The following RMI1 variants were observed in gnomAD, a reference collection of about 807,000 sequenced individuals.
RMI1 encodes RecQ mediated genome instability 1, also known as recQ-mediated genome instability protein 1.
In RMI1, 36 loss-of-function variants were observed where a neutral mutation model predicts 46.7. The observed-to-expected ratio is 0.77, with a 90% confidence interval of 0.59 to 1.02. RMI1 has a LOEUF of 1.02. Ranked by LOEUF, RMI1 falls within the 50% of genes least tolerant of loss-of-function variation. The pLI, the probability that RMI1 is intolerant of heterozygous loss-of-function variation, is 0.00. For synonymous variants in RMI1, 250 were observed against 252.9 expected, an observed-to-expected ratio of 0.99 and a Z score of 0.11; for missense variants, 676 against 713.7, an observed-to-expected ratio of 0.95 and a Z score of 0.60.
At chr9:83,994,439 T>G (rs533894896) in intron 1 of RMI1, among the ~76,000 whole-genome samples, 1 of 152,364 alleles carries the variant, frequency 6.6e-6, no homozygotes, top group African/African-American at 2.4e-5. Context: ...AGGTGCTACC[T>G]TTAGACCTGT....
intron 1 of RMI1, among the ~76,000 whole-genome samples, chr9:83,993,774 A>G (rs999370435): frequency 6.6e-6 from 1 of 151,738 alleles, no homozygotes; most frequent in African/African-American, 2.4e-5. Flanking sequence ...TGACCATTGT[A>G]TATCTTTTTA....
intron 1 of RMI1, among the ~76,000 whole-genome samples, chr9:83,981,575 C>T (rs1957396984): frequency 1.3e-5 from 2 of 152,174 alleles, no homozygotes; most frequent in Admixed American, 6.5e-5. Context: ...CGGTGACAGC[C>T]CTGGGAAATC....
In RMI1 at chr9:84,002,022, G is replaced by C. The variant is rs868282159; in HGVS notation, c.1036G>C (p.Asp346His). 1.9e-6 allele frequency: 3 copies of C among 1,613,948 alleles called. No homozygotes were observed. In the Admixed American group the frequency reaches 5.0e-5, roughly 27 times the overall value. The stretch of plus-strand genomic sequence containing the variant: ...ACCATTGACTTTTAACAGAAATGCC[G>C]ATCGAAGTATAGAGAGATTTTCACA... ...LQPLTFNRNA[D>H]RSIERFSHNP... Residue 346 changes from aspartate (D) to histidine (H), a missense_variant, in exon 3 of 3, where the codon GAT (aspartate) becomes CAT (histidine). Physicochemically the swap from Asp to His is moderately conservative, Grantham distance 81. Transcript: ENST00000445877.
At chr9:83,990,708 G>A (rs1957559928) in intron 1 of RMI1, among the ~76,000 whole-genome samples, 1 of 152,086 alleles carries the variant, frequency 6.6e-6, no homozygotes, top group African/African-American at 2.4e-5. Context: ...GTATGTATCG[G>A]AATATCATGT....
intron 1 of RMI1, among the ~76,000 whole-genome samples, chr9:83,993,981 G>T (rs1321303966): frequency 7.0e-6 from 1 of 142,712 alleles, no homozygotes. Context: ...ATGGGGTTTC[G>T]CCATGTTGTT....
chr9:83,986,797 C>G (rs1163360954), intron 1 of RMI1, among the ~76,000 whole-genome samples: 1 of 152,154 alleles, frequency 6.6e-6, no homozygotes, highest in Non-Finnish European at 1.5e-5. Context: ...TTCTGTCCAG[C>G]CTTGACCTTT....
chr9:83,990,154 A>G (rs553848773), intron 1 of RMI1, among the ~76,000 whole-genome samples: 17 of 152,304 alleles, frequency 1.1e-4, no homozygotes, highest in Non-Finnish European at 1.8e-4. Context: ...GAGTAGAACA[A>G]TGGTTACCAG....
chr9:83,986,288 G>A (rs867305452), intron 1 of RMI1, among the ~76,000 whole-genome samples: 33 of 152,154 alleles, frequency 2.2e-4, no homozygotes, highest in African/African-American at 7.5e-4. Flanking sequence ...AATTTAGAAT[G>A]CATTAGATGG....
At position 84,002,446 on chromosome 9, in the gene RMI1, A is replaced by G. The variant is rs781375932; in HGVS notation, c.1460A>G (p.Tyr487Cys). 1.1e-5 allele frequency: 17 copies of G among 1,613,812 alleles called. No homozygotes were observed. In the African/African-American group the frequency reaches 1.9e-4, roughly 18 times the overall value. The change falls in exon 3 of 3, where the codon TAT becomes TGT. Residue 487 changes from tyrosine (Y) to cysteine (C), a missense_variant. Physicochemically the swap from Tyr to Cys is radical, Grantham distance 194. Transcript: ENST00000445877. Reference sequence around the variant, plus strand: ...AATCTTTCTATTGCCATGGATTTGTATTCTCCACCCTTTGTCTATTTGTCT... The same window carrying G: ...AATCTTTCTATTGCCATGGATTTGTGTTCTCCACCCTTTGTCTATTTGTCT... Reference protein sequence around the residue: ...SINLSIAMDLYSPPFVYLSVL... With the variant: ...SINLSIAMDLCSPPFVYLSVL...
At chr9:83,988,667 T>C (rs1957526863) in intron 1 of RMI1, among the ~76,000 whole-genome samples, 1 of 152,214 alleles carries the variant, frequency 6.6e-6, no homozygotes, top group South Asian at 2.1e-4. Context: ...CATTTTGCAT[T>C]CTCACTAGCA....
intron 1 of RMI1, among the ~76,000 whole-genome samples, chr9:83,986,889 C>A (rs781434585): frequency 6.6e-6 from 1 of 152,122 alleles, no homozygotes; most frequent in Non-Finnish European, 1.5e-5. Context: ...TACACTTTGT[C>A]CTCATTTCAG....
rs373342865 is a variant in RMI1, at chr9:84,002,098, A to G, written c.1112A>G (p.Asn371Ser). The G allele has an allele frequency of 3.1e-6, 5 of 1,613,762 alleles. No individual in the cohort carries two copies. The African/African-American group carries it at 5.3e-5, about 17-fold the overall frequency. Residue 371 changes from asparagine (N) to serine (S), a missense_variant, in exon 3 of 3, where the codon AAT (asparagine) becomes AGT (serine). Coordinates refer to ENST00000445877, the MANE Select transcript of RMI1 (RefSeq NM_001358291.2). ...NFSLTCKNGN[N>S]NWSEKNVSEQ... ...TCTTTGACTTGCAAAAATGGAAACA[A>G]TAATTGGAGTGAAAAAAATGTATCT...
chr9:84,002,024 T>C lies in RMI1; in HGVS notation c.1038T>C (p.Asp346=). 1 of 1,613,996 alleles carries C rather than the reference T, an allele frequency of 6.2e-7. No individual in the cohort carries two copies. The highest frequency in any genetic ancestry group is 8.5e-7 in the Non-Finnish European group (1 of 1,179,932). ...LQPLTFNRNA[D]RSIERFSHNP... is the part of the protein sequence containing the mutation. Reference sequence around the variant, plus strand: ...CATTGACTTTTAACAGAAATGCCGATCGAAGTATAGAGAGATTTTCACATA... The same window carrying C: ...CATTGACTTTTAACAGAAATGCCGACCGAAGTATAGAGAGATTTTCACATA... Residue 346 remains aspartate, a synonymous_variant, in exon 3 of 3, where the codon GAT becomes GAC. Transcript: ENST00000445877.
At chr9:83,997,958 G>C (rs1253926494) in intron 1 of RMI1, among the ~76,000 whole-genome samples, 1 of 151,774 alleles carries the variant, frequency 6.6e-6, no homozygotes, top group Non-Finnish European at 1.5e-5. Context: ...ACCATGCTCA[G>C]GCTAATTAAA....
chr9:83,981,187 C>G (rs1957381278), intron 1 of RMI1, among the ~76,000 whole-genome samples: 1 of 152,242 alleles, frequency 6.6e-6, no homozygotes, highest in African/African-American at 2.4e-5. Context: ...TACTGGAGAA[C>G]TTCTCGCCGA....
rs572963124 is a variant in RMI1, at chr9:84,003,050, T to A, written c.*186T>A. On this transcript the variant is annotated 3_prime_UTR_variant, in exon 3 of 3. Transcript: ENST00000445877. ...AGCTTTTGAAAATAAGTTAATCTTT[T>A]TTTTTTTTTTTTTAATGTCAGGGTA... 2.0e-5 allele frequency: 7 copies of A among 355,252 alleles called. No individual in the cohort carries two copies. Among genetic ancestry groups the A allele is most frequent in the African/African-American group, 1.5e-4 (7 of 46,882 alleles). 22.0% of individuals were successfully genotyped at this position (355,252 alleles called of 1,614,324 possible).
intron 1 of RMI1, among the ~76,000 whole-genome samples, chr9:83,993,253 T>G (rs1206227248): frequency 6.6e-6 from 1 of 152,246 alleles, no homozygotes; most frequent in Non-Finnish European, 1.5e-5. Context: ...ATGCAGTATT[T>G]GTCCTTTTGT....
In RMI1 at chr9:84,003,582, T is replaced by C. The variant is rs1957770078; in HGVS notation, c.*718T>C. 6.0e-6 allele frequency: 1 copy of C among 166,302 alleles called. No individual in the cohort carries two copies. The highest frequency in any genetic ancestry group is 6.5e-5 in the Admixed American group (1 of 15,278). 10.3% of individuals were successfully genotyped at this position (166,302 alleles called of 1,614,324 possible). A position where few individuals can be genotyped will look rare whatever the true frequency, so the allele number is the denominator to read the frequency against. ...CCAAAAGATTTGTTTATATTGTTAA[T>C]CTTAGGGAAAAAAAATTAAAATCCA... is the stretch of plus-strand genomic sequence containing the variant. On this transcript the variant is annotated 3_prime_UTR_variant, in exon 3 of 3. Transcript: ENST00000445877.
intron 1 of RMI1, among the ~76,000 whole-genome samples, chr9:83,987,314 A>G (rs955636537): frequency 5.9e-5 from 9 of 152,104 alleles, no homozygotes; most frequent in Admixed American, 5.9e-4. Context: ...CGGCCTCCCA[A>G]AGTGCTAGGG....
Sources: gnomAD v4.1 joint callset for allele counts (sites outside exome capture counted in the v4.1 genomes callset) on GRCh38, gnomAD v4.1.1 for gene constraint, MANE v1.5 for transcripts, NCBI Gene and HGNC (gene_info 2026-07-23, HGNC 2026-07-21) for gene names.